SLC35D1: variants seen among roughly 807,000 people sequenced by gnomAD.
SLC35D1 encodes solute carrier family 35 member D1.
SLC35D1 carries 31 observed loss-of-function variants against 46.7 expected under a neutral mutation model. That is an observed-to-expected ratio of 0.66 (90% CI 0.50 to 0.90). The LOEUF (loss-of-function observed/expected upper bound fraction) is 0.90. Among genes scored for constraint, SLC35D1 ranks in the 40% least tolerant of loss-of-function variants. SLC35D1 has a pLI of 0.00. For synonymous variants in SLC35D1, 195 were observed against 164.6 expected (o/e 1.18, Z -1.41); for missense variants, 397 against 426.2 (o/e 0.93, Z 0.60).
At chr1:66,984,774 A>G in the SLC35D1 span, 5 of 1,614,054 alleles carry the variant, frequency 3.1e-6, no homozygotes, top group South Asian at 5.5e-5. Flanking sequence ...TTGATGAAAA[A>G]AGTGAGAGAC....
At chr1:66,998,744 G>T (rs563539336), downstream of SLC35D1, among the ~76,000 whole-genome samples, 6 of 152,244 alleles carry the variant, frequency 3.9e-5, no homozygotes, top group South Asian at 1.2e-3. Flanking sequence ...GCCACAAAAA[G>T]ACAAATATGG....
At chr1:66,986,369 T>G in the SLC35D1 span, 63 of 1,600,114 alleles carry the variant, frequency 3.9e-5, no homozygotes, top group Admixed American at 2.4e-4. Context: ...CAAACTTTTA[T>G]AAAATATTAA....
intron 6 of SLC35D1, 123 bp from the exon 7 acceptor site, chr1:67,047,490 T>C: frequency 1.2e-6 from 1 of 821,364 alleles, no homozygotes; most frequent in Non-Finnish European, 2.0e-6. Flanking sequence ...TTAGGCATTT[T>C]ATCAGCTACT....
intron 10 of SLC35D1, among the ~76,000 whole-genome samples, chr1:67,015,178 AAAAAG>A (rs1353279787): frequency 8.7e-5 from 13 of 150,110 alleles, no homozygotes; most frequent in Non-Finnish European, 1.8e-4. Flanking sequence ...AAAAAAAAAA[AAAAAG>A]ATTTTGCCTA....
intron 8 of SLC35D1, 122 bp from the exon 9 acceptor site, chr1:67,021,724 GACACACACACAC>G (rs35069681): frequency 5.7e-5 from 24 of 422,746 alleles, no homozygotes; most frequent in East Asian, 2.3e-4. Context: ...CACAGACACA[GACACACACACAC>G]ACACACACAC....
At chr1:66,984,433 A>G in the SLC35D1 span, 80 of 596,852 alleles carry the variant, frequency 1.3e-4, no homozygotes, top group Middle Eastern at 5.1e-3. Flanking sequence ...GACATAGCTT[A>G]TAAGTAATAG....
rs1455072852 is a variant in SLC35D1 at position 67,009,179 on chromosome 1, A to G, written c.877-12T>C. The G allele has an allele frequency of 9.6e-7, 1 of 1,045,650 alleles. No individual in the cohort carries two copies. The highest frequency in any genetic ancestry group is 2.0e-5 in the Admixed American group (1 of 49,192). 64.8% of individuals were successfully genotyped at this position (1,045,650 alleles called of 1,614,324 possible). The stretch of plus-strand genomic sequence containing the variant: ...GTTATTAATATATTCTAAAAATAAA[A>G]ATAGTAATATACTGTTATATAGGTT... On this transcript the variant is annotated splice_polypyrimidine_tract_variant and intron_variant, in intron 10 of 11. Transcript: ENST00000235345.
chr1:66,983,717 T>G, the SLC35D1 span, among the ~76,000 whole-genome samples: 114 of 152,162 alleles, frequency 7.5e-4, no homozygotes, highest in Non-Finnish European at 1.1e-3. Context: ...CTTAGGTAAA[T>G]AGTGTGTGAT....
Position 67,006,172 on chromosome 1 carries a change from G to T in SLC35D1, c.960-1724C>A, listed in dbSNP as rs72927941. The stretch of plus-strand genomic sequence containing the variant: ...GCATGAACCCAATTCTTATGCCAAT[G>T]TTCATAGAGCTTCATCTTTTCCTTC... On this transcript the variant is annotated intron_variant, in intron 11 of 11. Transcript: ENST00000235345. Among the ~76,000 whole-genome samples, 263 of 152,206 alleles carry T rather than the reference G, an allele frequency of 1.7e-3. 1 individual carries two copies. Among genetic ancestry groups the T allele is most frequent in the African/African-American group, 5.8e-3 (240 of 41,544 alleles).
At chr1:67,051,775 A>G (rs1645311380) in intron 4 of SLC35D1, among the ~76,000 whole-genome samples, 1 of 142,354 alleles carries the variant, frequency 7.0e-6, no homozygotes, top group African/African-American at 2.6e-5. Flanking sequence ...GACTTCTAAC[A>G]TCAAAATGAG....
the SLC35D1 span, among the ~76,000 whole-genome samples, chr1:66,991,312 T>C: frequency 6.6e-6 from 1 of 152,146 alleles, no homozygotes; most frequent in African/African-American, 2.4e-5. Flanking sequence ...GCCTGTTGAT[T>C]TGGGGGAGGC....
intron 10 of SLC35D1, among the ~76,000 whole-genome samples, chr1:67,014,570 G>A (rs1241538965): frequency 6.6e-6 from 1 of 150,572 alleles, no homozygotes; most frequent in Non-Finnish European, 1.5e-5. Context: ...AATTAAATAG[G>A]CCCAAATAAT....
At chr1:67,006,023 C>G (rs12738583) in intron 11 of SLC35D1, among the ~76,000 whole-genome samples, 69 of 152,222 alleles carry the variant, frequency 4.5e-4, no homozygotes, top group Admixed American at 2.5e-3. Flanking sequence ...TCTTTCCCCC[C>G]CTTTCTGTGG....
chr1:66,997,537 T>TATAA (rs1247400741), downstream of SLC35D1, among the ~76,000 whole-genome samples: 2 of 133,322 alleles, frequency 1.5e-5, no homozygotes, highest in African/African-American at 2.7e-5. Flanking sequence ...TATATATATA[T>TATAA]AACCCCTTTA....
At chr1:66,991,507 CAAACTTAGG>C in the SLC35D1 span, among the ~76,000 whole-genome samples, 1 of 152,216 alleles carries the variant, frequency 6.6e-6, no homozygotes, top group African/African-American at 2.4e-5. Flanking sequence ...ACCTATGTGA[CAAACTTAGG>C]AAGTGTTTCT....
In SLC35D1 at chr1:67,054,058, G is replaced by T; in HGVS notation, c.-45C>A. 2 of 1,593,118 alleles carry T rather than the reference G, an allele frequency of 1.3e-6. No homozygotes were observed. The highest frequency in any genetic ancestry group is 2.2e-5 in the East Asian group (1 of 44,466). On this transcript the variant is annotated 5_prime_UTR_variant, in exon 1 of 12. Coordinates refer to ENST00000235345, the MANE Select transcript of SLC35D1 (RefSeq NM_015139.3). Reference sequence around the variant, plus strand: ...GCCTGGCGGCGGGGCCTAGCGGCTCGGGGGCCTGCAGCGGCAGCTCCCAGG... The same window carrying T: ...GCCTGGCGGCGGGGCCTAGCGGCTCTGGGGCCTGCAGCGGCAGCTCCCAGG...
intron 8 of SLC35D1, among the ~76,000 whole-genome samples, chr1:67,025,784 T>C (rs1031065330): frequency 6.6e-6 from 1 of 152,220 alleles, no homozygotes; most frequent in African/African-American, 2.4e-5. Context: ...TTGTTAAATT[T>C]ATCCCCCAAG....
chr1:67,019,421 T>C, intron 10 of SLC35D1, among the ~76,000 whole-genome samples: 1 of 152,186 alleles, frequency 6.6e-6, no homozygotes, highest in East Asian at 1.9e-4. Flanking sequence ...ACAGCTTAAT[T>C]TGGAATTCTA....
chr1:66,981,676 G>A, the SLC35D1 span: 1 of 834,922 alleles, frequency 1.2e-6, no homozygotes. Context: ...AATGTTAAGT[G>A]AATATTAGGA....
Sources: gnomAD v4.1 joint callset for allele counts (sites outside exome capture counted in the v4.1 genomes callset) on GRCh38, gnomAD v4.1.1 for gene constraint, MANE v1.5 for transcripts, NCBI Gene and HGNC (gene_info 2026-07-23, HGNC 2026-07-21) for gene names.